SRD5A2: variants seen among roughly 807,000 people sequenced by gnomAD.
SRD5A2 encodes steroid 5 alpha-reductase 2.
SRD5A2 carries 30 observed loss-of-function variants against 27.4 expected under a neutral mutation model. That is an observed-to-expected ratio of 1.10 (90% CI 0.82 to 1.49). SRD5A2 has a LOEUF of 1.49. Among genes scored for constraint, SRD5A2 ranks in the 40% most tolerant of loss-of-function variants. SRD5A2 has a pLI of 0.00. For synonymous variants in SRD5A2, 141 were observed against 133.6 expected (o/e 1.06, Z -0.38); for missense variants, 348 against 323.4 (o/e 1.08, Z -0.58).
At chr2:31,627,413 T>C in the SRD5A2 span, among the ~76,000 whole-genome samples, 1 of 144,542 alleles carries the variant, frequency 6.9e-6, no homozygotes, top group Non-Finnish European at 1.5e-5. Flanking sequence ...GCTCCTGTAT[T>C]CACTGTTCTT....
chr2:31,622,596 A>C, the SRD5A2 span, among the ~76,000 whole-genome samples: 6 of 152,150 alleles, frequency 3.9e-5, no homozygotes, highest in South Asian at 2.1e-4. Flanking sequence ...CTATTGACCA[A>C]TACTGGCTGC....
At chr2:31,658,340 C>A in the SRD5A2 span, among the ~76,000 whole-genome samples, 1 of 151,826 alleles carries the variant, frequency 6.6e-6, no homozygotes, top group African/African-American at 2.4e-5. Context: ...AGCAAACCAA[C>A]CCCAAAGCTG....
At chr2:31,600,953 A>G in the SRD5A2 span, among the ~76,000 whole-genome samples, 3 of 151,914 alleles carry the variant, frequency 2.0e-5, no homozygotes, top group Admixed American at 1.3e-4. Flanking sequence ...CAAAAATGAT[A>G]TGATCATTTC....
At chr2:31,541,747 C>A (rs982146887) in intron 1 of SRD5A2, among the ~76,000 whole-genome samples, 1 of 152,164 alleles carries the variant, frequency 6.6e-6, no homozygotes, top group African/African-American at 2.4e-5. Context: ...AGCCACATAG[C>A]ACAGAGAGAC....
At chr2:31,614,510 G>A in the SRD5A2 span, among the ~76,000 whole-genome samples, 1 of 152,276 alleles carries the variant, frequency 6.6e-6, no homozygotes, top group South Asian at 2.1e-4. Context: ...GGTTTTTCCA[G>A]GTACACAGGC....
chr2:31,615,274 TAAG>T, the SRD5A2 span, among the ~76,000 whole-genome samples: 1 of 152,172 alleles, frequency 6.6e-6, no homozygotes, highest in Non-Finnish European at 1.5e-5. Flanking sequence ...GTTGGAGGGC[TAAG>T]AAGAAGACAG....
the SRD5A2 span, among the ~76,000 whole-genome samples, chr2:31,600,609 G>T: frequency 8.6e-5 from 13 of 151,592 alleles, no homozygotes; most frequent in Non-Finnish European, 1.9e-4. Context: ...TCATATGCTT[G>T]TTGGCCACAT....
At chr2:31,627,930 T>A in the SRD5A2 span, among the ~76,000 whole-genome samples, 1 of 152,170 alleles carries the variant, frequency 6.6e-6, no homozygotes, top group African/African-American at 2.4e-5. Flanking sequence ...CATCTGCAGA[T>A]GAGAAGAATG....
the SRD5A2 span, among the ~76,000 whole-genome samples, chr2:31,627,806 A>AT: frequency 3.3e-5 from 5 of 151,826 alleles, no homozygotes; most frequent in African/African-American, 1.2e-4. Flanking sequence ...ATTGATTTTT[A>AT]TTTTTTTGGC....
the SRD5A2 span, among the ~76,000 whole-genome samples, chr2:31,613,275 A>T: frequency 6.6e-6 from 1 of 152,186 alleles, no homozygotes; most frequent in Non-Finnish European, 1.5e-5. Flanking sequence ...CTGATAAAGA[A>T]CCAATATAAA....
chr2:31,657,382 A>C, the SRD5A2 span, among the ~76,000 whole-genome samples: 1 of 152,216 alleles, frequency 6.6e-6, no homozygotes, highest in Non-Finnish European at 1.5e-5. Context: ...AATGATTTAT[A>C]ATAGGTACTC....
At chr2:31,581,621 C>T (rs942458481), upstream of SRD5A2, among the ~76,000 whole-genome samples, 1 of 152,194 alleles carries the variant, frequency 6.6e-6, no homozygotes, top group Admixed American at 6.5e-5. Flanking sequence ...CTGCCTGGGT[C>T]AGAGAGGAGC....
At chr2:31,549,081 A>AATTATTATTATTATTATTATT (rs71405576) in intron 1 of SRD5A2, among the ~76,000 whole-genome samples, 1 of 131,396 alleles carries the variant, frequency 7.6e-6, no homozygotes, top group Admixed American at 7.7e-5. Context: ...AAGTAGAGGG[A>AATTATTATTATTATTATTATT]ATTATTATTA....
the SRD5A2 span, among the ~76,000 whole-genome samples, chr2:31,644,354 G>T: frequency 1.3e-5 from 2 of 152,170 alleles, no homozygotes; most frequent in South Asian, 2.1e-4. Context: ...ACTGGATTTT[G>T]AGCCAGGACA....
intron 1 of SRD5A2, among the ~76,000 whole-genome samples, chr2:31,574,912 T>C (rs1382172735): frequency 6.6e-6 from 1 of 152,276 alleles, no homozygotes; most frequent in Non-Finnish European, 1.5e-5. Flanking sequence ...ATTCATCTGT[T>C]TACATAATGT....
chr2:31,549,674 T>C, intron 1 of SRD5A2, among the ~76,000 whole-genome samples: 1 of 152,192 alleles, frequency 6.6e-6, no homozygotes, highest in East Asian at 1.9e-4. Context: ...AAATGGTAAG[T>C]TAACCATGAA....
the SRD5A2 span, among the ~76,000 whole-genome samples, chr2:31,608,510 G>C: frequency 6.6e-6 from 1 of 151,764 alleles, no homozygotes; most frequent in Non-Finnish European, 1.5e-5. Flanking sequence ...CAGATGGCAT[G>C]ATTATGATCT....
intron 1 of SRD5A2, among the ~76,000 whole-genome samples, chr2:31,577,733 T>C (rs1237202268): frequency 6.6e-6 from 1 of 152,140 alleles, no homozygotes; most frequent in Admixed American, 6.5e-5. Context: ...GCCTGATGCT[T>C]GTTCCTTAAT....
chr2:31,633,776 G>A, the SRD5A2 span, among the ~76,000 whole-genome samples: 1 of 152,170 alleles, frequency 6.6e-6, no homozygotes, highest in South Asian at 2.1e-4. Flanking sequence ...GATTTCCTAG[G>A]TTGACTAAGA....
Sources: gnomAD v4.1 joint callset for allele counts (sites outside exome capture counted in the v4.1 genomes callset) on GRCh38, gnomAD v4.1.1 for gene constraint, MANE v1.5 for transcripts, NCBI Gene and HGNC (gene_info 2026-07-23, HGNC 2026-07-21) for gene names.